The following SLC25A33 variants were observed in gnomAD, a reference collection of about 807,000 sequenced individuals.
SLC25A33 encodes the protein solute carrier family 25 member 33, also known as bone marrow stromal cell mitochondrial carrier protein.
A neutral mutation model predicts 35.5 loss-of-function variants in SLC25A33; 15 were observed. The observed-to-expected ratio is 0.42, with a 90% CI of 0.28 to 0.65. SLC25A33 has a LOEUF of 0.65. SLC25A33 is among the 30% of genes least tolerant of loss of function. SLC25A33 has a pLI of 0.20. For synonymous variants in SLC25A33, 136 were observed against 148.7 expected (o/e 0.91, Z 0.62); for missense variants, 257 against 398.5 (o/e 0.64, Z 3.02).
At chr1:9,553,204 T>G (rs12744162) in intron 1 of SLC25A33, among the ~76,000 whole-genome samples, 1 of 68,368 alleles carries the variant, frequency 1.5e-5, no homozygotes, top group Non-Finnish European at 2.7e-5. Flanking sequence ...TCTAGTTTTG[T>G]TTTTTTTTTT....
chr1:9,565,979 C>T (rs574244550), intron 2 of SLC25A33, among the ~76,000 whole-genome samples: 14 of 152,094 alleles, frequency 9.2e-5, no homozygotes, highest in Admixed American at 3.3e-4. Context: ...AACCGTCATC[C>T]GTCCATGAAA....
chr1:9,540,053 C>A (rs1249376996), intron 1 of SLC25A33, among the ~76,000 whole-genome samples: 2 of 152,148 alleles, frequency 1.3e-5, no homozygotes, highest in African/African-American at 4.8e-5. Flanking sequence ...TGGTGCTCGG[C>A]GGCGGTCCAG....
intron 2 of SLC25A33, among the ~76,000 whole-genome samples, chr1:9,563,906 G>A (rs1288329793): frequency 2.6e-5 from 4 of 152,046 alleles, no homozygotes; most frequent in South Asian, 2.1e-4. Flanking sequence ...TGATCCACCC[G>A]CTTCGGCCTC....
chr1:9,575,433 G>T (rs1267629834), intron 5 of SLC25A33, among the ~76,000 whole-genome samples: 2 of 151,466 alleles, frequency 1.3e-5, no homozygotes, highest in Non-Finnish European at 1.5e-5. Flanking sequence ...TGGCCAACAT[G>T]GTGAAACCCC....
chr1:9,584,347 A>G lies in SLC25A33; in HGVS notation c.*1846A>G, dbSNP rs1330717310. On this transcript the variant is annotated 3_prime_UTR_variant, in exon 7 of 7. Coordinates refer to ENST00000302692, the MANE Select transcript of SLC25A33 (RefSeq NM_032315.3). ...CGTAGAAGTCAAAATGAGTGACTTT[A>G]GTGAAGCTTCTGTACTTTACAATAC... The G allele has an allele frequency of 1.3e-5, 2 of 152,332 alleles. No homozygotes were observed. Among genetic ancestry groups the G allele is most frequent in the African/African-American group, 2.4e-5 (1 of 41,582 alleles). The allele number at this position is 152,332 out of a possible 1,614,324, so 9.4% of individuals were successfully genotyped here. A position where few individuals can be genotyped will look rare whatever the true frequency, so the allele number is the denominator to read the frequency against.
intron 2 of SLC25A33, among the ~76,000 whole-genome samples, chr1:9,555,124 T>A (rs1295746923): frequency 2.8e-5 from 4 of 144,290 alleles, no homozygotes; most frequent in Admixed American, 1.4e-4. Context: ...TTTTTTTTTT[T>A]TTTTTTTTTT....
intron 4 of SLC25A33, among the ~76,000 whole-genome samples, chr1:9,571,042 T>A (rs1252503176): frequency 2.6e-5 from 4 of 151,486 alleles, no homozygotes; most frequent in African/African-American, 9.8e-5. Context: ...AATTAGAGTT[T>A]CTTTCTTCAG....
rs59741987 is a variant in SLC25A33 at position 9,564,765 on chromosome 1, T to TATATATAC, written c.237-2518_237-2517insTATATACA. ...ATATATATATATATATATATATATA[T>TATATATAC]ACACAAAAATTAGCTGAGCGTGGTG... On this transcript the variant is annotated intron_variant, in intron 2 of 6. Transcript: ENST00000302692. Among the ~76,000 whole-genome samples the TATATATAC allele has an allele frequency of 1.8e-3, 204 of 114,708 alleles. 1 individual carries two copies. Among genetic ancestry groups the TATATATAC allele is most frequent in the East Asian group, 5.4e-3 (17 of 3,164 alleles). The allele number at this position is 114,708 out of a possible 152,430, so 75.3% of individuals were successfully genotyped here.
At position 9,553,806 on chromosome 1, in the gene SLC25A33, G is replaced by A. The variant is rs1643303176; in HGVS notation, c.236+1G>A. 3 of 1,612,770 alleles carry A rather than the reference G, an allele frequency of 1.9e-6. No homozygotes were observed. Among genetic ancestry groups the A allele is most frequent in the Non-Finnish European group, 2.5e-6 (3 of 1,179,166 alleles). On this transcript the variant is annotated splice_donor_variant, in intron 2 of 6. Coordinates refer to ENST00000302692, the MANE Select transcript of SLC25A33 (RefSeq NM_032315.3). LOFTEE classifies it high-confidence loss of function. The stretch of plus-strand genomic sequence containing the variant: ...CACCTGGACTCTTTCAGGTTCTGAA[G>A]TAAGTTCAGTCTTGTCTGCTCCTGC...
At chr1:9,564,725 T>TAAAAAAAAAAAAA (rs1553146726) in intron 2 of SLC25A33, among the ~76,000 whole-genome samples, 10 of 94,480 alleles carry the variant, frequency 1.1e-4, no homozygotes, top group African/African-American at 4.0e-4. Flanking sequence ...CGTCTCTATT[T>TAAAAAAAAAAAAA]AAAAAAAAAA....
intron 2 of SLC25A33, chr1:9,556,179 T>G (rs1643339433): frequency 1.0e-6 from 1 of 985,268 alleles, no homozygotes; most frequent in African/African-American, 1.7e-5. Flanking sequence ...TTCACATGCT[T>G]AGGCGGTGCC....
At chr1:9,571,231 G>T (rs1643586368) in intron 4 of SLC25A33, among the ~76,000 whole-genome samples, 1 of 152,176 alleles carries the variant, frequency 6.6e-6, no homozygotes, top group South Asian at 2.1e-4. Flanking sequence ...GCCATAGCGG[G>T]ACTTCTTCCC....
intron 1 of SLC25A33, among the ~76,000 whole-genome samples, chr1:9,544,839 A>G (rs188168885): frequency 3.1e-4 from 47 of 152,336 alleles, no homozygotes; most frequent in African/African-American, 1.1e-3. Flanking sequence ...GCATGTATGC[A>G]TAGGGAGCAG....
chr1:9,571,822 G>A (rs561446616), intron 4 of SLC25A33, among the ~76,000 whole-genome samples: 2 of 152,054 alleles, frequency 1.3e-5, no homozygotes, highest in African/African-American at 2.4e-5. Flanking sequence ...TGTATTTTTT[G>A]TAGAAATGGA....
At chr1:9,548,784 G>A (rs748993118) in intron 1 of SLC25A33, among the ~76,000 whole-genome samples, 3 of 152,162 alleles carry the variant, frequency 2.0e-5, no homozygotes, top group Non-Finnish European at 2.9e-5. Flanking sequence ...GTGTCAGCAT[G>A]TAACTGGCGG....
chr1:9,544,678 A>G (rs1310657459), intron 1 of SLC25A33, among the ~76,000 whole-genome samples: 1 of 152,204 alleles, frequency 6.6e-6, no homozygotes, highest in Non-Finnish European at 1.5e-5. Flanking sequence ...GCGGTTACCA[A>G]ACCTCCAAAG....
chr1:9,554,133 AT>A lies in SLC25A33; in HGVS notation c.236+332del, dbSNP rs541905336. ...TGAAGATAAGAGGTGATAGAGTAAA[AT>A]TTTAAAAATTGCACAACAGAAGAGT... is the stretch of plus-strand genomic sequence containing the variant. On this transcript the variant is annotated intron_variant, in intron 2 of 6. Transcript: ENST00000302692. 4.4e-3 allele frequency among the ~76,000 whole-genome samples: 674 copies of A among 152,310 alleles called. 5 individuals are homozygous for A. Among genetic ancestry groups the A allele is most frequent in the African/African-American group, 0.016 (646 of 41,578 alleles).
chr1:9,581,867 C>T (rs1039463417), intron 6 of SLC25A33, among the ~76,000 whole-genome samples: 1 of 152,082 alleles, frequency 6.6e-6, no homozygotes, highest in African/African-American at 2.4e-5. Context: ...ACTTTCCTGT[C>T]CAAATACAGC....
chr1:9,552,910 CTTTT>C (rs58092940), intron 1 of SLC25A33, among the ~76,000 whole-genome samples: 1 of 94,172 alleles, frequency 1.1e-5, no homozygotes. Flanking sequence ...GGGATTTCAA[CTTTT>C]TTTTTTTTTT....
Sources: gnomAD v4.1 joint callset for allele counts (sites outside exome capture counted in the v4.1 genomes callset) on GRCh38, gnomAD v4.1.1 for gene constraint, MANE v1.5 for transcripts, NCBI Gene and HGNC (gene_info 2026-07-23, HGNC 2026-07-21) for gene names.